KCND2: variants seen among roughly 807,000 people sequenced by gnomAD.
KCND2 encodes A-type voltage-gated potassium channel KCND2.
KCND2 carries 16 observed loss-of-function variants against 54.4 expected under a neutral mutation model. The ratio of observed to expected loss-of-function variants is 0.29; its 90% CI spans 0.20 to 0.45. KCND2 has a LOEUF of 0.45. Among genes scored for constraint, KCND2 ranks in the 20% least tolerant of loss-of-function variants. The pLI is 1.00. For synonymous variants in KCND2, 317 were observed against 310.7 expected (o/e 1.02, Z -0.21); for missense variants, 486 against 824.2 (o/e 0.59, Z 5.02).
chr7:120,392,318 C>A (rs911530854), intron 1 of KCND2, among the ~76,000 whole-genome samples: 1 of 151,920 alleles, frequency 6.6e-6, no homozygotes, highest in Non-Finnish European at 1.5e-5. Context: ...GTTACTGTAA[C>A]CTTGTAGTAT....
At chr7:120,687,240 A>G (rs1004256163) in intron 1 of KCND2, among the ~76,000 whole-genome samples, 6 of 152,216 alleles carry the variant, frequency 3.9e-5, no homozygotes, top group African/African-American at 1.4e-4. Flanking sequence ...TATAAGTTTG[A>G]CTGCATTAGT....
In KCND2 at chr7:120,742,534, G is replaced by A; in HGVS notation, c.1399G>A (p.Val467Ile). ...LQSSEDEQAF[V>I]SKSGSSFETQ... ...GTCCTCAGAGGATGAGCAGGCTTTT[G>A]TTAGCAAATCCGGCTCCAGCTTTGA... is the stretch of plus-strand genomic sequence containing the variant. The change falls in exon 4 of 6, where the codon GTT (valine) becomes ATT (isoleucine). Residue 467 changes from valine (V) to isoleucine (I), a missense_variant. Coordinates refer to ENST00000331113, the MANE Select transcript of KCND2 (RefSeq NM_012281.3). The A allele has an allele frequency of 6.2e-7, 1 of 1,613,624 alleles. No individual in the cohort carries two copies. The highest frequency in any genetic ancestry group is 8.5e-7 in the Non-Finnish European group (1 of 1,179,622).
chr7:120,586,694 C>T (rs1319703151), intron 1 of KCND2, among the ~76,000 whole-genome samples: 1 of 152,142 alleles, frequency 6.6e-6, no homozygotes, highest in African/African-American at 2.4e-5. Context: ...TCAACGGTTT[C>T]CTGACTTGCA....
chr7:120,576,517 T>A (rs1248492370), intron 1 of KCND2, among the ~76,000 whole-genome samples: 1 of 74,304 alleles, frequency 1.3e-5, no homozygotes, highest in Non-Finnish European at 4.7e-5. Context: ...TCACAGAGCA[T>A]GAAAATTTTT....
intron 1 of KCND2, among the ~76,000 whole-genome samples, chr7:120,337,917 G>A (rs10953908): frequency 0.73 from 110,647 of 152,078 alleles, 42,041 homozygotes; most frequent in South Asian, 0.91. Flanking sequence ...AAAAAAGTCT[G>A]TTTGAACATA....
At chr7:120,624,644 G>C (rs78302575) in intron 1 of KCND2, among the ~76,000 whole-genome samples, 7,478 of 152,022 alleles carry the variant, frequency 0.049, 206 homozygotes, top group Non-Finnish European at 0.069. Flanking sequence ...AGCCTAGCAT[G>C]GTGGCCCACG....
At chr7:120,398,202 A>G (rs1211199151) in intron 1 of KCND2, among the ~76,000 whole-genome samples, 1 of 151,368 alleles carries the variant, frequency 6.6e-6, no homozygotes, top group African/African-American at 2.4e-5. Flanking sequence ...TTTAACAGTA[A>G]GATGACAATG....
chr7:120,540,809 C>T (rs1242251641), intron 1 of KCND2, among the ~76,000 whole-genome samples: 2 of 151,224 alleles, frequency 1.3e-5, no homozygotes, highest in Non-Finnish European at 2.9e-5. Context: ...AGGATTCACT[C>T]TCTATAAAAA....
intron 1 of KCND2, among the ~76,000 whole-genome samples, chr7:120,392,663 A>G (rs1801095288): frequency 6.6e-6 from 1 of 151,834 alleles, no homozygotes; most frequent in Non-Finnish European, 1.5e-5. Context: ...TGTGTTAATG[A>G]ATTCAAATTT....
chr7:120,305,096 G>A (rs747448240), intron 1 of KCND2, among the ~76,000 whole-genome samples: 2 of 152,054 alleles, frequency 1.3e-5, no homozygotes, highest in Non-Finnish European at 2.9e-5. Context: ...ATTATTAAAG[G>A]AAGAATTGTG....
chr7:120,492,427 C>T (rs567786766), intron 1 of KCND2, among the ~76,000 whole-genome samples: 3 of 151,852 alleles, frequency 2.0e-5, no homozygotes, highest in East Asian at 1.9e-4. Flanking sequence ...TGTATATATG[C>T]CTTAGTCTAT....
At chr7:120,439,531 A>G (rs1801919112) in intron 1 of KCND2, among the ~76,000 whole-genome samples, 1 of 152,054 alleles carries the variant, frequency 6.6e-6, no homozygotes, top group Non-Finnish European at 1.5e-5. Flanking sequence ...CTTCTCTTCC[A>G]GTTATCTGAA....
chr7:120,623,053 A>G (rs1368053606), intron 1 of KCND2, among the ~76,000 whole-genome samples: 2 of 152,202 alleles, frequency 1.3e-5, no homozygotes. Flanking sequence ...AGAATGTCAA[A>G]AAGTTTAAAC....
At chr7:120,627,196 C>T (rs889223929) in intron 1 of KCND2, among the ~76,000 whole-genome samples, 3 of 136,748 alleles carry the variant, frequency 2.2e-5, no homozygotes, top group Non-Finnish European at 3.0e-5. Flanking sequence ...TTGTGCTCGT[C>T]GTGAGAATAC....
intron 1 of KCND2, among the ~76,000 whole-genome samples, chr7:120,407,350 T>A (rs1348873692): frequency 1.3e-5 from 2 of 151,978 alleles, no homozygotes; most frequent in Non-Finnish European, 1.5e-5. Context: ...GAAGTACACA[T>A]TATCTTGAAA....
At chr7:120,707,099 C>A (rs533946795) in intron 1 of KCND2, among the ~76,000 whole-genome samples, 82 of 152,210 alleles carry the variant, frequency 5.4e-4, no homozygotes, top group African/African-American at 1.9e-3. Context: ...CCTGCTTTAT[C>A]AATTCTATGA....
chr7:120,686,539 C>T (rs951161280), intron 1 of KCND2, among the ~76,000 whole-genome samples: 1 of 151,916 alleles, frequency 6.6e-6, no homozygotes, highest in Admixed American at 6.6e-5. Context: ...AGAGCAGGAG[C>T]GAAAGTTTAT....
At chr7:120,416,941 G>A (rs992128842) in intron 1 of KCND2, among the ~76,000 whole-genome samples, 1 of 152,196 alleles carries the variant, frequency 6.6e-6, no homozygotes. Context: ...TGCCTCCAGG[G>A]CTCAAGCAGT....
At chr7:120,336,828 G>T (rs1226122208) in intron 1 of KCND2, among the ~76,000 whole-genome samples, 1 of 152,112 alleles carries the variant, frequency 6.6e-6, no homozygotes, top group African/African-American at 2.4e-5. Context: ...GCCCAAATCA[G>T]TGTTTTTAGA....
Sources: gnomAD v4.1 joint callset for allele counts (sites outside exome capture counted in the v4.1 genomes callset) on GRCh38, gnomAD v4.1.1 for gene constraint, MANE v1.5 for transcripts, NCBI Gene and HGNC (gene_info 2026-07-23, HGNC 2026-07-21) for gene names.